Variants in SLIT1 observed in about 807,000 individuals in gnomAD.
The protein encoded by SLIT1 is slit homolog 1 protein.
Under a neutral mutation model 186.1 loss-of-function variants are expected in SLIT1, and 66 were observed. That is an observed-to-expected ratio of 0.35 (90% CI 0.29 to 0.44). The LOEUF is 0.44. Among genes scored for constraint, SLIT1 ranks in the 20% least tolerant of loss-of-function variants. SLIT1 has a pLI of 1.00. For missense variants in SLIT1, 1,638 were observed against 2,037.4 expected, an observed-to-expected ratio of 0.80 and a Z score of 3.77; for synonymous variants, 761 against 833.8, an observed-to-expected ratio of 0.91 and a Z score of 1.50.
At chr10:97,030,093 C>T (rs1014337970) in intron 25 of SLIT1, among the ~76,000 whole-genome samples, 1 of 152,224 alleles carries the variant, frequency 6.6e-6, no homozygotes. Flanking sequence ...GTACACACAT[C>T]TGTTTGAGTC....
intron 1 of SLIT1, among the ~76,000 whole-genome samples, chr10:97,170,103 C>G (rs1456363198): frequency 2.0e-5 from 3 of 152,244 alleles, no homozygotes; most frequent in Non-Finnish European, 4.4e-5. Flanking sequence ...TGTGCTTTGC[C>G]TACACAACAA....
intron 31 of SLIT1, among the ~76,000 whole-genome samples, chr10:97,009,962 T>C (rs1848396762): frequency 6.6e-6 from 1 of 152,200 alleles, no homozygotes; most frequent in South Asian, 2.1e-4. Context: ...ACAATAGTGG[T>C]GGGAATTGTG....
At chr10:97,131,017 CT>C (rs1290032171) in intron 4 of SLIT1, among the ~76,000 whole-genome samples, 1 of 152,170 alleles carries the variant, frequency 6.6e-6, no homozygotes, top group Admixed American at 6.5e-5. Context: ...GGTCATGAAA[CT>C]GTGGTGGCCA....
In SLIT1 at chr10:96,999,933, A is replaced by AGATAGAT. The variant is rs57260612; in HGVS notation, c.*1172_*1178dup. 0.057 allele frequency: 8,715 copies of AGATAGAT among 152,008 alleles called. 297 individuals are homozygous for AGATAGAT. The highest frequency in any genetic ancestry group is 0.19 in the East Asian group (993 of 5,164). 9.4% of individuals were successfully genotyped at this position (152,008 alleles called of 1,614,324 possible). On this transcript the variant is annotated 3_prime_UTR_variant, in exon 37 of 37. Coordinates refer to ENST00000266058, the MANE Select transcript of SLIT1 (RefSeq NM_003061.3). ...TACTTTTGATGTGATCAATGTAGAT[A>AGATAGAT]GATAGATAGATAGATAGGTCTTCTA...
At chr10:97,135,432 A>G (rs1849693130) in intron 4 of SLIT1, among the ~76,000 whole-genome samples, 1 of 152,202 alleles carries the variant, frequency 6.6e-6, no homozygotes, top group South Asian at 2.1e-4. Context: ...TTGAAGAGCC[A>G]GGGCAACAGA....
chr10:97,063,700 G>C, intron 7 of SLIT1, 82 bp from the exon 8 acceptor site: 3 of 1,420,964 alleles, frequency 2.1e-6, no homozygotes, highest in Non-Finnish European at 2.8e-6. Flanking sequence ...TCAGGCAGGA[G>C]GCTGCCCCCG....
intron 4 of SLIT1, among the ~76,000 whole-genome samples, chr10:97,130,857 G>A (rs1589404914): frequency 1.3e-5 from 2 of 152,144 alleles, no homozygotes; most frequent in East Asian, 1.9e-4. Context: ...GTTGCCATTC[G>A]GTCCATGGTC....
intron 1 of SLIT1, among the ~76,000 whole-genome samples, chr10:97,172,404 G>A (rs540861774): frequency 1.3e-5 from 2 of 152,268 alleles, no homozygotes; most frequent in South Asian, 4.2e-4. Context: ...CTCCACATGA[G>A]ATTAGAAGCT....
At chr10:97,072,022 G>T (rs1849005421) in intron 4 of SLIT1, among the ~76,000 whole-genome samples, 1 of 152,232 alleles carries the variant, frequency 6.6e-6, no homozygotes, top group Non-Finnish European at 1.5e-5. Context: ...AAGACGCTGG[G>T]GCATGAGAGA....
rs1848360525 is a variant in SLIT1, at chr10:97,006,471, C to T, written c.3579+12G>A. 3 of 1,602,854 alleles carry T rather than the reference C, an allele frequency of 1.9e-6. No individual in the cohort carries two copies. Among genetic ancestry groups the T allele is most frequent in the African/African-American group, 2.7e-5 (2 of 74,752 alleles). On this transcript the variant is annotated intron_variant, in intron 32 of 36. Coordinates refer to ENST00000266058, the MANE Select transcript of SLIT1 (RefSeq NM_003061.3). The surrounding 1 kb of genome is among the most constrained non-coding windows in gnomAD (Gnocchi z 4.0). ...CTGACTCCCCTCTGTGACCAAGCCCCCTGGCACGCACCTGCAACGTGATGT... is the reference window on the plus strand; with the variant it reads ...CTGACTCCCCTCTGTGACCAAGCCCTCTGGCACGCACCTGCAACGTGATGT...
intron 4 of SLIT1, among the ~76,000 whole-genome samples, chr10:97,078,648 T>C (rs2134651903): frequency 7.6e-6 from 1 of 132,070 alleles, no homozygotes; most frequent in Non-Finnish European, 1.7e-5. Context: ...AAGACACAAC[T>C]AGCTTCGTCC....
chr10:97,022,737 A>G lies in SLIT1; in HGVS notation c.2583-1324T>C, dbSNP rs1010253474. ...TTCACATTACGAAAAACAAAAGTCT[A>G]CACCCCACTGTCACTGCCCTCCACA... On this transcript the variant is annotated intron_variant, in intron 25 of 36. Coordinates refer to ENST00000266058, the MANE Select transcript of SLIT1 (RefSeq NM_003061.3). The surrounding 1 kb of genome is among the most constrained non-coding windows in gnomAD (Gnocchi z 4.2). Among the ~76,000 whole-genome samples the G allele has an allele frequency of 3.9e-5, 6 of 152,196 alleles. No individual in the cohort carries two copies. The highest frequency in any genetic ancestry group is 1.4e-4 in the African/African-American group (6 of 41,428).
intron 4 of SLIT1, among the ~76,000 whole-genome samples, chr10:97,148,301 T>C (rs1849838863): frequency 6.6e-6 from 1 of 152,118 alleles, no homozygotes; most frequent in South Asian, 2.1e-4. Flanking sequence ...TTTTTTTTTT[T>C]TTCCTGAGGC....
chr10:97,063,090 C>G (rs1445388510), intron 8 of SLIT1, among the ~76,000 whole-genome samples: 3 of 152,040 alleles, frequency 2.0e-5, no homozygotes, highest in African/African-American at 7.3e-5. Context: ...ACTGAGTAGA[C>G]CAGAAAGAGA....
At chr10:97,102,555 G>C (rs1329172017) in intron 4 of SLIT1, 1 of 152,144 alleles carries the variant, frequency 6.6e-6, no homozygotes, top group South Asian at 2.1e-4. Flanking sequence ...GACACCATCA[G>C]AGGCCATCGC....
chr10:97,071,636 C>T (rs1426171014), intron 4 of SLIT1, among the ~76,000 whole-genome samples: 1 of 152,154 alleles, frequency 6.6e-6, no homozygotes, highest in East Asian at 1.9e-4. Context: ...AGAATGCATG[C>T]ACCATGTGAC....
At chr10:97,171,048 G>T (rs1850181212) in intron 1 of SLIT1, among the ~76,000 whole-genome samples, 1 of 151,880 alleles carries the variant, frequency 6.6e-6, no homozygotes, top group African/African-American at 2.4e-5. Flanking sequence ...TTCCTGCAGG[G>T]TCTCAAAAAA....
intron 4 of SLIT1, among the ~76,000 whole-genome samples, chr10:97,144,051 A>G (rs904750418): frequency 1.3e-5 from 2 of 152,134 alleles, no homozygotes; most frequent in African/African-American, 2.4e-5. Context: ...TCCAAAAATT[A>G]GCTGGGCGTG....
At chr10:97,141,757 G>GTATCA (rs1849766681) in intron 4 of SLIT1, among the ~76,000 whole-genome samples, 2 of 149,430 alleles carry the variant, frequency 1.3e-5, no homozygotes, top group South Asian at 2.1e-4. Context: ...GTATCGTATC[G>GTATCA]TATCGTATTG....
Sources: allele counts gnomAD v4.1 joint callset (sites outside exome capture counted in the v4.1 genomes callset), GRCh38; gene constraint gnomAD v4.1.1; non-coding constraint Gnocchi (gnomAD v3.1); transcripts MANE v1.5; gene names NCBI Gene and HGNC (gene_info 2026-07-23, HGNC 2026-07-21).